The following UTRN variants were observed in gnomAD, a reference collection of about 807,000 sequenced individuals.
UTRN encodes the protein dystrophin-related protein 1.
In UTRN, 283 loss-of-function variants were observed where a neutral mutation model predicts 463.9. The observed-to-expected ratio is 0.61, with a 90% CI of 0.55 to 0.67. UTRN has a LOEUF of 0.67. UTRN is among the 30% of genes least tolerant of loss of function. The pLI is 0.00. For synonymous variants in UTRN, 1,442 were observed against 1,431.5 expected (o/e 1.01, Z -0.17); for missense variants, 3,922 against 4,084.3 (o/e 0.96, Z 1.08).
chr6:144,302,897 C>G (rs961826602), intron 2 of UTRN, among the ~76,000 whole-genome samples: 4 of 152,152 alleles, frequency 2.6e-5, no homozygotes, highest in African/African-American at 9.7e-5. Flanking sequence ...AAGTCTGTCC[C>G]TGGTAACTGA....
chr6:144,664,875 A>T (rs1313570752), intron 51 of UTRN, among the ~76,000 whole-genome samples: 2 of 150,632 alleles, frequency 1.3e-5, no homozygotes, highest in African/African-American at 2.4e-5. Context: ...TTATTTAAGT[A>T]ATATATATAT....
intron 65 of UTRN, among the ~76,000 whole-genome samples, chr6:144,805,538 T>C (rs765605252): frequency 5.3e-5 from 8 of 152,190 alleles, no homozygotes; most frequent in South Asian, 2.1e-4. Flanking sequence ...AAGGTTAGCG[T>C]GATTGGGCTG....
At chr6:144,411,567 G>A (rs112687469) in intron 3 of UTRN, among the ~76,000 whole-genome samples, 3 of 152,152 alleles carry the variant, frequency 2.0e-5, no homozygotes, top group African/African-American at 7.2e-5. Context: ...TACCAAAATC[G>A]AGGTAAACAT....
Position 144,522,259 on chromosome 6 carries a change from A to T in UTRN, c.5733+88A>T, listed in dbSNP as rs974266490. ...GTTCTTGTGCCTACTTAGATGGTCT[A>T]TATCTTTTACAATTTGTGCCAGGGG... On this transcript the variant is annotated intron_variant, in intron 40 of 74. Coordinates refer to ENST00000367545, the MANE Select transcript of UTRN (RefSeq NM_007124.3). 3.7e-6 allele frequency: 4 copies of T among 1,085,738 alleles called. No homozygotes were observed. In the East Asian group the frequency reaches 1.2e-4, roughly 31 times the overall value. The allele number at this position is 1,085,738 out of a possible 1,614,324, so 67.3% of individuals were successfully genotyped here.
At chr6:144,349,150 A>G (rs1562278403) in intron 2 of UTRN, among the ~76,000 whole-genome samples, 1 of 152,082 alleles carries the variant, frequency 6.6e-6, no homozygotes, top group Non-Finnish European at 1.5e-5. Flanking sequence ...CTGGGACTAC[A>G]GGCGCCCGCC....
chr6:144,846,459 A>G (rs1782022157), intron 73 of UTRN, among the ~76,000 whole-genome samples: 1 of 152,226 alleles, frequency 6.6e-6, no homozygotes, highest in African/African-American at 2.4e-5. Context: ...CAGCAAAGTA[A>G]GTAGAACATG....
At chr6:144,514,960 G>A in intron 37 of UTRN, 140 bp downstream of exon 37, 1 of 936,842 alleles carries the variant, frequency 1.1e-6, no homozygotes, top group Non-Finnish European at 1.5e-6. Flanking sequence ...AGGCTGGAGT[G>A]CAGTGGCATG....
Position 144,803,162 on chromosome 6 carries a change from A to C in UTRN, c.9357+15A>C, listed in dbSNP as rs1448675470. 1.4e-6 allele frequency: 2 copies of C among 1,447,770 alleles called. No homozygotes were observed. The highest frequency in any genetic ancestry group is 3.7e-4 in the Middle Eastern group (2 of 5,428). The allele number at this position is 1,447,770 out of a possible 1,614,324, so 89.7% of individuals were successfully genotyped here. On this transcript the variant is annotated intron_variant, in intron 65 of 74. Transcript: ENST00000367545. ...ATTGTATACCTGTGAGTACTAACCCACTGTTTTGTTTTTAATACATTGCCA... is the reference window on the plus strand; with the variant it reads ...ATTGTATACCTGTGAGTACTAACCCCCTGTTTTGTTTTTAATACATTGCCA...
At chr6:144,488,279 A>G (rs572095356) in intron 29 of UTRN, among the ~76,000 whole-genome samples, 1 of 152,314 alleles carries the variant, frequency 6.6e-6, no homozygotes, top group East Asian at 1.9e-4. Context: ...GGCTTTGGAA[A>G]AAAAGAGACT....
At chr6:144,322,284 G>T (rs769827603) in intron 2 of UTRN, among the ~76,000 whole-genome samples, 3 of 152,100 alleles carry the variant, frequency 2.0e-5, no homozygotes, top group Non-Finnish European at 4.4e-5. Flanking sequence ...AAATATTTTA[G>T]TTGGGTGTTT....
intron 34 of UTRN, among the ~76,000 whole-genome samples, chr6:144,509,322 T>G (rs944997285): frequency 6.6e-6 from 1 of 152,018 alleles, no homozygotes; most frequent in Admixed American, 6.6e-5. Flanking sequence ...TTTTACAGAG[T>G]GCTTATTGTT....
intron 58 of UTRN, 75 bp downstream of exon 58, chr6:144,758,064 C>A: frequency 7.8e-7 from 1 of 1,284,072 alleles, no homozygotes. Context: ...GCTTCTCTCC[C>A]CATAACTTTT....
At chr6:144,507,520 C>T (rs1392987441) in intron 34 of UTRN, among the ~76,000 whole-genome samples, 2 of 152,056 alleles carry the variant, frequency 1.3e-5, no homozygotes, top group African/African-American at 2.4e-5. Flanking sequence ...CTAACAGGCC[C>T]CTCTGCTGCA....
chr6:144,362,553 GTTC>G (rs1357239908), intron 2 of UTRN, among the ~76,000 whole-genome samples: 7 of 152,168 alleles, frequency 4.6e-5, no homozygotes, highest in Non-Finnish European at 7.3e-5. Flanking sequence ...CTGTGTGAAA[GTTC>G]TTCTTTTGTT....
chr6:144,836,752 G>C, intron 71 of UTRN: 1 of 699,000 alleles, frequency 1.4e-6, no homozygotes, highest in South Asian at 2.0e-5. Flanking sequence ...GCTTACAATG[G>C]AATTTCCCAG....
At chr6:144,582,142 C>G (rs374716888) in intron 51 of UTRN, among the ~76,000 whole-genome samples, 13 of 152,032 alleles carry the variant, frequency 8.6e-5, no homozygotes, top group African/African-American at 3.1e-4. Context: ...CTGTAAGACA[C>G]AATATAGGAC....
intron 2 of UTRN, among the ~76,000 whole-genome samples, chr6:144,337,252 C>G (rs1776809579): frequency 6.6e-6 from 1 of 151,948 alleles, no homozygotes; most frequent in Non-Finnish European, 1.5e-5. Flanking sequence ...GGAGGAAACC[C>G]TGAATTCTCC....
At chr6:144,590,668 T>C (rs982155640) in intron 51 of UTRN, among the ~76,000 whole-genome samples, 4 of 152,132 alleles carry the variant, frequency 2.6e-5, no homozygotes, top group Non-Finnish European at 5.9e-5. Context: ...AGTACAAATA[T>C]GTTGTTCTGA....
chr6:144,357,994 A>G (rs1778722183), intron 2 of UTRN, among the ~76,000 whole-genome samples: 2 of 152,160 alleles, frequency 1.3e-5, no homozygotes, highest in South Asian at 2.1e-4. Flanking sequence ...CAAGCACTTG[A>G]GCTTTGGAGC....
Sources: allele counts gnomAD v4.1 joint callset (sites outside exome capture counted in the v4.1 genomes callset), GRCh38; gene constraint gnomAD v4.1.1; transcripts MANE v1.5; gene names NCBI Gene and HGNC (gene_info 2026-07-23, HGNC 2026-07-21).